KIF6: variants seen among roughly 807,000 people sequenced by gnomAD.
The protein encoded by KIF6 is kinesin-like protein KIF6.
KIF6 carries 106 observed loss-of-function variants against 112.7 expected under a neutral mutation model. That is an observed-to-expected ratio of 0.94 (90% CI 0.80 to 1.11). KIF6 has a LOEUF of 1.11. Among genes scored for constraint, KIF6 ranks in the 50% least tolerant of loss-of-function variants. KIF6 has a pLI of 0.00. For synonymous variants in KIF6, 339 were observed against 339.9 expected (o/e 1.00, Z 0.03); for missense variants, 929 against 964.0 (o/e 0.96, Z 0.48).
intron 6 of KIF6, among the ~76,000 whole-genome samples, chr6:39,600,372 C>A (rs1490077057): frequency 6.6e-6 from 1 of 152,020 alleles, no homozygotes; most frequent in Non-Finnish European, 1.5e-5. Context: ...AGTACAGAGA[C>A]AAGAAGGAAA....
intron 15 of KIF6, among the ~76,000 whole-genome samples, chr6:39,419,157 C>T (rs200046771): frequency 6.6e-6 from 1 of 151,930 alleles, no homozygotes; most frequent in Admixed American, 6.6e-5. Context: ...AGTTCGAGAC[C>T]AGCCTAGCCA....
chr6:39,649,025 G>A (rs1785323700), intron 3 of KIF6, among the ~76,000 whole-genome samples: 1 of 151,668 alleles, frequency 6.6e-6, no homozygotes, highest in Admixed American at 6.6e-5. Context: ...TTAGTTGGGT[G>A]TGTGGTGTGC....
chr6:39,553,587 A>G (rs1483101684), intron 10 of KIF6, among the ~76,000 whole-genome samples: 1 of 152,244 alleles, frequency 6.6e-6, no homozygotes, highest in Non-Finnish European at 1.5e-5. Context: ...AGACAACTTT[A>G]AAGACAGTAG....
Position 39,343,329 on chromosome 6 carries a change from C to T in KIF6, c.2428+380G>A, listed in dbSNP as rs115803176. 2.0e-4 allele frequency: 259 copies of T among 1,297,668 alleles called. No homozygotes were observed. In the African/African-American group the frequency reaches 3.3e-3, roughly 16 times the overall value. The allele number at this position is 1,297,668 out of a possible 1,614,324, so 80.4% of individuals were successfully genotyped here. ...CTGATAGGGGAGTGAGACTTTAAGC[C>T]AGGGGTTCAACGAGTTACCAAAACA... On this transcript the variant is annotated intron_variant, in intron 22 of 22. Transcript: ENST00000287152. This position sits in a 1 kb window ranked among gnomAD's most constrained non-coding sequence, Gnocchi z 4.1.
intron 13 of KIF6, among the ~76,000 whole-genome samples, chr6:39,465,006 T>C (rs140984133): frequency 4.6e-5 from 7 of 152,312 alleles, no homozygotes; most frequent in African/African-American, 1.4e-4. Context: ...AGCTCTAAGA[T>C]GTATCTGTAA....
chr6:39,578,474 G>T (rs531468130), intron 9 of KIF6, among the ~76,000 whole-genome samples: 1 of 151,686 alleles, frequency 6.6e-6, no homozygotes, highest in African/African-American at 2.4e-5. Flanking sequence ...GACTACAGGC[G>T]CATGCTACCA....
At chr6:39,635,074 T>G in intron 4 of KIF6, 116 bp from the exon 5 acceptor site, 1 of 639,308 alleles carries the variant, frequency 1.6e-6, no homozygotes, top group South Asian at 2.0e-5. Context: ...TCTCTCACTT[T>G]ATATGGTTTA....
At chr6:39,650,867 A>G (rs1785431956) in intron 3 of KIF6, among the ~76,000 whole-genome samples, 1 of 152,164 alleles carries the variant, frequency 6.6e-6, no homozygotes, top group African/African-American at 2.4e-5. Context: ...TAAATTGATC[A>G]ATCACATTTC....
intron 13 of KIF6, among the ~76,000 whole-genome samples, chr6:39,478,894 A>G (rs997928463): frequency 1.3e-5 from 2 of 151,734 alleles, no homozygotes; most frequent in African/African-American, 4.8e-5. Flanking sequence ...GGCCATTTGT[A>G]TATCTTCTTT....
chr6:39,711,037 A>C (rs1371180425), intron 3 of KIF6, among the ~76,000 whole-genome samples: 1 of 151,242 alleles, frequency 6.6e-6, no homozygotes, highest in Non-Finnish European at 1.5e-5. Flanking sequence ...AAAAACTAAA[A>C]ATTAAAAAAT....
intron 13 of KIF6, among the ~76,000 whole-genome samples, chr6:39,489,568 G>C (rs1280498472): frequency 6.6e-6 from 1 of 152,052 alleles, no homozygotes. Context: ...GAACAGAAAG[G>C]AGTGACAACA....
chr6:39,527,744 C>T (rs180846201), intron 13 of KIF6, among the ~76,000 whole-genome samples: 2 of 152,302 alleles, frequency 1.3e-5, no homozygotes, highest in Admixed American at 1.3e-4. Flanking sequence ...AAAGCTCTGG[C>T]TAAACAAATA....
At chr6:39,388,752 G>A (rs1201614329) in intron 15 of KIF6, among the ~76,000 whole-genome samples, 1 of 152,098 alleles carries the variant, frequency 6.6e-6, no homozygotes, top group Non-Finnish European at 1.5e-5. Context: ...TAAATTTGCT[G>A]GTTTTGGCCT....
At chr6:39,597,215 T>C (rs192788025) in intron 6 of KIF6, among the ~76,000 whole-genome samples, 1 of 152,242 alleles carries the variant, frequency 6.6e-6, no homozygotes, top group Admixed American at 6.5e-5. Flanking sequence ...AAAAGACAAA[T>C]TGATCCTAAA....
At chr6:39,716,691 T>G (rs2113885676) in intron 2 of KIF6, among the ~76,000 whole-genome samples, 1 of 152,318 alleles carries the variant, frequency 6.6e-6, no homozygotes, top group Middle Eastern at 3.4e-3. Flanking sequence ...ATAATATGCC[T>G]TGAGACATAA....
chr6:39,337,045 CCTTTTTCT>C lies in KIF6; in HGVS notation c.2429-505_2429-498del, dbSNP rs541869375. ...CTTCCTTCCTTTCTTTTCCTTCCTT[CCTTTTTCT>C]TTCTTTCTTTCTTTCTCTTTCCTTT... On this transcript the variant is annotated intron_variant, in intron 22 of 22. Coordinates refer to ENST00000287152, the MANE Select transcript of KIF6 (RefSeq NM_145027.6). Among the ~76,000 whole-genome samples, 290 of 101,242 alleles carry C rather than the reference CCTTTTTCT, an allele frequency of 2.9e-3. 2 individuals are homozygous for C. The highest frequency in any genetic ancestry group is 0.011 in the African/African-American group (273 of 25,394). 66.4% of individuals were successfully genotyped at this position (101,242 alleles called of 152,430 possible). A position where few individuals can be genotyped will look rare whatever the true frequency, so the allele number is the denominator to read the frequency against.
chr6:39,403,758 C>G (rs1404395813), intron 15 of KIF6, among the ~76,000 whole-genome samples: 1 of 152,166 alleles, frequency 6.6e-6, no homozygotes, highest in Non-Finnish European at 1.5e-5. Flanking sequence ...TGCTGACTAG[C>G]AACATACAAG....
At chr6:39,588,375 A>T (rs566394131) in intron 7 of KIF6, among the ~76,000 whole-genome samples, 108 of 152,040 alleles carry the variant, frequency 7.1e-4, no homozygotes, top group Middle Eastern at 3.4e-3. Context: ...CACCACACCC[A>T]GCTAATTTTT....
At chr6:39,370,914 TG>T (rs536912263) in intron 16 of KIF6, among the ~76,000 whole-genome samples, 18 of 152,084 alleles carry the variant, frequency 1.2e-4, no homozygotes, top group Non-Finnish European at 2.5e-4. Context: ...GATCTGCTAG[TG>T]GCAAGAGCAG....
Sources: allele counts gnomAD v4.1 joint callset (sites outside exome capture counted in the v4.1 genomes callset), GRCh38; gene constraint gnomAD v4.1.1; non-coding constraint Gnocchi (gnomAD v3.1); transcripts MANE v1.5; gene names NCBI Gene and HGNC (gene_info 2026-07-23, HGNC 2026-07-21).